The following TBC1D31 variants were observed in gnomAD, a reference collection of about 807,000 sequenced individuals.
TBC1D31 encodes the protein WD repeat domain 67.
A neutral mutation model predicts 132.9 loss-of-function variants in TBC1D31; 99 were observed. That is an observed-to-expected ratio of 0.74 (90% confidence interval 0.63 to 0.88). The LOEUF is 0.88. Ranked by LOEUF, TBC1D31 falls within the 40% of genes least tolerant of loss-of-function variation. The pLI, the probability that TBC1D31 is intolerant of heterozygous loss-of-function variation, is 0.00. For missense variants in TBC1D31, 1,134 were observed against 1,256.6 expected (o/e 0.90, Z 1.48); for synonymous variants, 385 against 419.4 (o/e 0.92, Z 1.00).
intron 4 of TBC1D31, among the ~76,000 whole-genome samples, 167 bp from the exon 5 acceptor site, chr8:123,093,424 A>G (rs897906127): frequency 6.6e-6 from 1 of 151,826 alleles, no homozygotes; most frequent in African/African-American, 2.4e-5. Flanking sequence ...GTTAATAATA[A>G]TTTATGAAAT....
downstream of TBC1D31, among the ~76,000 whole-genome samples, chr8:123,154,596 A>G (rs1188974399): frequency 1.3e-5 from 2 of 152,220 alleles, no homozygotes. Flanking sequence ...GGCTGGCCAT[A>G]TCCAGAGAGC....
At chr8:123,073,335 G>A (rs1418290323) in intron 1 of TBC1D31, 1 of 456,456 alleles carries the variant, frequency 2.2e-6, no homozygotes, top group East Asian at 6.9e-5. Flanking sequence ...TCAACTATTT[G>A]TTGAGCTCCT....
chr8:123,108,555 C>T (rs187378179), intron 8 of TBC1D31, among the ~76,000 whole-genome samples: 50 of 152,152 alleles, frequency 3.3e-4, no homozygotes, highest in Admixed American at 5.9e-4. Context: ...GCAGGAGTCC[C>T]AGATGACAGC....
At chr8:123,162,992 A>G in the TBC1D31 span, among the ~76,000 whole-genome samples, 2 of 151,770 alleles carry the variant, frequency 1.3e-5, no homozygotes, top group South Asian at 2.1e-4. Context: ...CACCACACTC[A>G]GCTAATTTTT....
intron 4 of TBC1D31, among the ~76,000 whole-genome samples, chr8:123,086,106 C>T (rs566734244): frequency 1.3e-5 from 2 of 152,214 alleles, no homozygotes; most frequent in South Asian, 2.1e-4. Context: ...TTATTTTGTC[C>T]TTTATGTCCC....
At position 123,108,381 on chromosome 8, in the gene TBC1D31, A is replaced by G. The variant is rs146615861; in HGVS notation, c.1210-936A>G. Among the ~76,000 whole-genome samples, 13 of 152,300 alleles carry G rather than the reference A, an allele frequency of 8.5e-5. No homozygotes were observed. In the East Asian group the frequency reaches 2.5e-3, roughly 29 times the overall value. On this transcript the variant is annotated intron_variant, in intron 8 of 21. Coordinates refer to ENST00000287380, the MANE Select transcript of TBC1D31 (RefSeq NM_145647.4). ...AAAAATTGACTTTAAAGTCTTAGAT[A>G]TAAGGGACTATCAGCAGGAGCTGAT...
intron 13 of TBC1D31, among the ~76,000 whole-genome samples, chr8:123,127,695 G>A (rs1264598776): frequency 6.6e-6 from 1 of 152,144 alleles, no homozygotes; most frequent in African/African-American, 2.4e-5. Context: ...GTAACTATGA[G>A]AGTTTTGAGA....
chr8:123,083,056 G>A, intron 3 of TBC1D31: 1 of 445,806 alleles, frequency 2.2e-6, no homozygotes, highest in Non-Finnish European at 4.0e-6. Context: ...ACAGAACTCA[G>A]GAAAGCACTA....
rs1821013381 is a variant in TBC1D31, at chr8:123,135,557, T to C, written c.2499+1351T>C. On this transcript the variant is annotated intron_variant, in intron 17 of 21. Transcript: ENST00000287380. ...CGGAGGCTGCAGTGAGCCAAGATTG[T>C]GCACTTCAGCCTGGGTGACAGAGTG... Among the ~76,000 whole-genome samples the C allele has an allele frequency of 2.0e-5, 3 of 152,164 alleles. No individual in the cohort carries two copies. In the South Asian group the frequency reaches 6.2e-4, roughly 31 times the overall value.
intron 2 of TBC1D31, among the ~76,000 whole-genome samples, chr8:123,082,278 G>A (rs772113745): frequency 7.9e-5 from 12 of 151,798 alleles, no homozygotes; most frequent in Non-Finnish European, 1.5e-4. Context: ...TTCATTTTAC[G>A]CAAGATCGGG....
intron 4 of TBC1D31, among the ~76,000 whole-genome samples, chr8:123,091,209 A>G (rs531200269): frequency 3.7e-4 from 57 of 152,288 alleles, no homozygotes; most frequent in African/African-American, 1.4e-3. Context: ...TTTTATAATC[A>G]TTAAAATATG....
At chr8:123,094,264 A>G (rs1464834929) in intron 5 of TBC1D31, among the ~76,000 whole-genome samples, 9 of 151,946 alleles carry the variant, frequency 5.9e-5, no homozygotes, top group Admixed American at 5.2e-4. Flanking sequence ...GGGTTTCACC[A>G]TGTTGGTCAG....
In TBC1D31 at chr8:123,105,382, A is replaced by T; in HGVS notation, c.1127A>T (p.Gln376Leu). ...LKMKVTSGRV[Q>L]QPAKSRESKM... ...ATGAAAGTAACATCAGGGAGAGTAC[A>T]GCAGCCAGCAAAATCTAGGGAAAGC... The change falls in exon 8 of 22, where the codon CAG (glutamine) becomes CTG (leucine). Residue 376 changes from glutamine (Q) to leucine (L), a missense_variant. Coordinates refer to ENST00000287380, the MANE Select transcript of TBC1D31 (RefSeq NM_145647.4). 1 of 1,613,426 alleles carries T rather than the reference A, an allele frequency of 6.2e-7. No individual in the cohort carries two copies. The highest frequency in any genetic ancestry group is 1.1e-5 in the South Asian group (1 of 90,948).
In TBC1D31 at chr8:123,073,779, G is replaced by A. The variant is rs1814182077; in HGVS notation, c.77+933G>A. Among the ~76,000 whole-genome samples, 3 of 152,012 alleles carry A rather than the reference G, an allele frequency of 2.0e-5. No homozygotes were observed. The South Asian group carries it at 6.2e-4, about 32-fold the overall frequency. On this transcript the variant is annotated intron_variant, in intron 1 of 21. Coordinates refer to ENST00000287380, the MANE Select transcript of TBC1D31 (RefSeq NM_145647.4). ...CGGCTCACTGCATCCTCCACCTCCCGAGTTAAAGCGATTCTCTTGCCTCAG... is the reference window on the plus strand; with the variant it reads ...CGGCTCACTGCATCCTCCACCTCCCAAGTTAAAGCGATTCTCTTGCCTCAG...
At chr8:123,127,261 A>ATTTTTTTTTTTTTTTTTTTTTTTTTT (rs35198781) in intron 13 of TBC1D31, among the ~76,000 whole-genome samples, 1 of 69,924 alleles carries the variant, frequency 1.4e-5, no homozygotes, top group African/African-American at 6.1e-5. Context: ...TGCTTTTTGC[A>ATTTTTTTTTTTTTTTTTTTTTTTTTT]TTTTTTTTTT....
At position 123,072,773 on chromosome 8, in the gene TBC1D31, C is replaced by T. The variant is rs775524538; in HGVS notation, c.4C>T (p.Gln2Ter). Reference sequence around the variant, plus strand: ...GCGGTCGTGGGCAAGCTTCGCCATGCAGAGCACTGACCTAGGCAACAAGGA... The same window carrying T: ...GCGGTCGTGGGCAAGCTTCGCCATGTAGAGCACTGACCTAGGCAACAAGGA... The part of the protein sequence containing the change: M[Q>*]STDLGNKESG... Residue 2 changes from glutamine (Q) to a stop codon, truncating the protein, a stop_gained, in exon 1 of 22, where the codon CAG (glutamine) becomes TAG (stop). Coordinates refer to ENST00000287380, the MANE Select transcript of TBC1D31 (RefSeq NM_145647.4). LOFTEE classifies it high-confidence loss of function. 7.7e-6 allele frequency: 12 copies of T among 1,564,972 alleles called. No individual in the cohort carries two copies. Among genetic ancestry groups the T allele is most frequent in the Non-Finnish European group, 1.0e-5 (12 of 1,155,138 alleles).
intron 17 of TBC1D31, among the ~76,000 whole-genome samples, chr8:123,136,576 G>A (rs1394203944): frequency 3.3e-5 from 5 of 152,038 alleles, no homozygotes; most frequent in East Asian, 1.9e-4. Flanking sequence ...TCAGCCTCCC[G>A]AGTAGCTGGG....
At chr8:123,093,518 A>G in intron 4 of TBC1D31, 73 bp from the exon 5 acceptor site, 2 of 1,001,970 alleles carry the variant, frequency 2.0e-6, no homozygotes, top group Non-Finnish European at 2.8e-6. Flanking sequence ...AAAATAGACT[A>G]CTTGTATAAT....
intron 4 of TBC1D31, among the ~76,000 whole-genome samples, chr8:123,090,425 A>G (rs916853735): frequency 6.6e-6 from 1 of 152,148 alleles, no homozygotes; most frequent in Non-Finnish European, 1.5e-5. Flanking sequence ...TATTCAGCTC[A>G]TTAGTTAAGG....
Sources: allele counts gnomAD v4.1 joint callset (sites outside exome capture counted in the v4.1 genomes callset), GRCh38; gene constraint gnomAD v4.1.1; transcripts MANE v1.5; gene names NCBI Gene and HGNC (gene_info 2026-07-23, HGNC 2026-07-21).